The following TNRC6A variants were observed in gnomAD, a reference collection of about 807,000 sequenced individuals.
TNRC6A encodes trinucleotide repeat-containing gene 6A protein.
A neutral mutation model predicts 221.2 loss-of-function variants in TNRC6A; 44 were observed. That is an observed-to-expected ratio of 0.20 (90% confidence interval 0.16 to 0.26). The LOEUF (loss-of-function observed/expected upper bound fraction) is 0.26. Ranked by LOEUF, TNRC6A falls within the 10% of genes least tolerant of loss-of-function variation. TNRC6A has a pLI of 1.00. For missense variants in TNRC6A, 2,199 were observed against 2,404.4 expected, an observed-to-expected ratio of 0.91 and a Z score of 1.79; for synonymous variants, 847 against 838.5, an observed-to-expected ratio of 1.01 and a Z score of -0.18.
rs1216363642 is a variant in TNRC6A, at chr16:24,794,034, A to G, written c.3352+385A>G. 6.6e-5 allele frequency among the ~76,000 whole-genome samples: 10 copies of G among 152,208 alleles called. No homozygotes were observed. The East Asian group carries it at 7.7e-4, about 12-fold the overall frequency. On this transcript the variant is annotated intron_variant, in intron 7 of 24. Transcript: ENST00000395799. The stretch of plus-strand genomic sequence containing the variant: ...TGATTCCCTGAAAGTTACAATTAGC[A>G]TAGTTCAGAAAAGACCCAAGATTGA...
At chr16:24,798,062 G>A in intron 11 of TNRC6A, 96 bp downstream of exon 11, 3 of 1,080,930 alleles carry the variant, frequency 2.8e-6, no homozygotes, top group Non-Finnish European at 2.7e-6. Context: ...GATCAGGACA[G>A]GGGAGGCTGT....
At chr16:24,753,418 A>G (rs1211879802) in intron 3 of TNRC6A, among the ~76,000 whole-genome samples, 1 of 152,236 alleles carries the variant, frequency 6.6e-6, no homozygotes, top group East Asian at 1.9e-4. Flanking sequence ...TAATACCTCT[A>G]ATAAATGTTA....
At chr16:24,630,743 G>A (rs1203352896) in intron 1 of TNRC6A, among the ~76,000 whole-genome samples, 1 of 152,130 alleles carries the variant, frequency 6.6e-6, no homozygotes, top group African/African-American at 2.4e-5. Context: ...TTTAGGCAAG[G>A]GATTCACAGG....
rs144105836 is a variant in TNRC6A, at chr16:24,699,002, C to T, written n.403-51724C>T. Among the ~76,000 whole-genome samples, 10 of 152,302 alleles carry T rather than the reference C, an allele frequency of 6.6e-5. No homozygotes were observed. The East Asian group carries it at 1.9e-3, about 29-fold the overall frequency. ...GGGATTACAGGGGTGTGCCAACACT[C>T]CTGGCCCTTTGGGGAGAATTTTAAG... On this transcript the variant is annotated intron_variant and non_coding_transcript_variant, in intron 2 of 2. Coordinates refer to the TNRC6A transcript ENST00000566108.
intron 2 of TNRC6A, among the ~76,000 whole-genome samples, chr16:24,702,441 G>A (rs1260022545): frequency 6.6e-6 from 1 of 151,982 alleles, no homozygotes; most frequent in Non-Finnish European, 1.5e-5. Flanking sequence ...GCCTCCCAAA[G>A]TGCTAGGATT....
chr16:24,785,217 CTCT>C (rs930008986), intron 5 of TNRC6A, among the ~76,000 whole-genome samples: 4 of 152,178 alleles, frequency 2.6e-5, no homozygotes, highest in South Asian at 2.1e-4. Context: ...TCTTCACAAC[CTCT>C]TCTTTTTGAA....
intron 3 of TNRC6A, among the ~76,000 whole-genome samples, chr16:24,756,007 T>G (rs1463709080): frequency 6.6e-6 from 1 of 152,122 alleles, no homozygotes; most frequent in African/African-American, 2.4e-5. Context: ...ATTTTGTCCA[T>G]TTGAGAGATT....
At chr16:24,711,384 T>G (rs947518601) in intron 2 of TNRC6A, among the ~76,000 whole-genome samples, 3 of 152,258 alleles carry the variant, frequency 2.0e-5, no homozygotes, top group Middle Eastern at 3.4e-3. Context: ...TTGACATATA[T>G]AGAGAGAGCT....
chr16:24,789,643 A>G lies in TNRC6A; in HGVS notation c.1001A>G (p.Lys334Arg), dbSNP rs912981372. ...GTCTCTGTGGATGCTCCTGAAAGCAAATCTGAAAGTAGCAACAATAGAATG... is the reference window on the plus strand; with the variant it reads ...GTCTCTGTGGATGCTCCTGAAAGCAGATCTGAAAGTAGCAACAATAGAATG... ...CQVSVDAPES[K>R]SESSNNRMNA... The change falls in exon 6 of 25, where the codon AAA becomes AGA. Residue 334 changes from lysine (K) to arginine (R), a missense_variant. Physicochemically the swap from Lys to Arg is conservative, Grantham distance 26. Coordinates refer to ENST00000395799, the MANE Select transcript of TNRC6A (RefSeq NM_014494.4). The G allele has an allele frequency of 1.2e-6, 2 of 1,614,178 alleles. No homozygotes were observed. Among genetic ancestry groups the G allele is most frequent in the Admixed American group, 3.3e-5 (2 of 60,026 alleles).
intron 2 of TNRC6A, among the ~76,000 whole-genome samples, chr16:24,699,041 C>T (rs945450961): frequency 6.6e-6 from 1 of 152,078 alleles, no homozygotes; most frequent in Non-Finnish European, 1.5e-5. Flanking sequence ...GCTGAAGAAC[C>T]TACAGAGCGG....
chr16:24,767,783 G>T (rs2057504743), intron 4 of TNRC6A, among the ~76,000 whole-genome samples: 1 of 152,122 alleles, frequency 6.6e-6, no homozygotes, highest in Non-Finnish European at 1.5e-5. Context: ...TTTAATGACA[G>T]TTTCTTTATT....
At chr16:24,794,759 C>A in intron 8 of TNRC6A, 40 bp downstream of exon 8, 1 of 1,566,624 alleles carries the variant, frequency 6.4e-7, no homozygotes, top group South Asian at 1.2e-5. Context: ...ACTTTAAATT[C>A]CAAAGGTAGT....
intron 21 of TNRC6A, 140 bp from the exon 22 acceptor site, chr16:24,819,999 G>T: frequency 1.3e-6 from 1 of 743,986 alleles, no homozygotes; most frequent in Non-Finnish European, 2.2e-6. Flanking sequence ...TTCTTTTTTG[G>T]CAGTTTAGTT....
intron 2 of TNRC6A, among the ~76,000 whole-genome samples, chr16:24,674,679 AC>A (rs111739793): frequency 7.0e-5 from 10 of 142,188 alleles, no homozygotes; most frequent in African/African-American, 2.5e-4. Context: ...TTATTCTCTT[AC>A]AACACTGCCC....
chr16:24,776,022 G>A (rs1014259836), intron 4 of TNRC6A, among the ~76,000 whole-genome samples: 3 of 152,140 alleles, frequency 2.0e-5, no homozygotes, highest in Non-Finnish European at 4.4e-5. Context: ...GCAAGGTGTA[G>A]GTACTATCTC....
rs2058852542 is a variant in TNRC6A, at chr16:24,825,992, A to G, written c.*2185A>G. 2 of 152,614 alleles carry G rather than the reference A, an allele frequency of 1.3e-5. No homozygotes were observed. Among genetic ancestry groups the G allele is most frequent in the Admixed American group, 6.5e-5 (1 of 15,274 alleles). The allele number at this position is 152,614 out of a possible 1,614,324, so 9.5% of individuals were successfully genotyped here. A position where few individuals can be genotyped will look rare whatever the true frequency, so the allele number is the denominator to read the frequency against. ...TTGTCGGACACCTTACTATAAGCAA[A>G]TGTTATTCAGTGCGTTCAATGTATA... On this transcript the variant is annotated 3_prime_UTR_variant, in exon 25 of 25. Transcript: ENST00000395799.
chr16:24,709,604 G>A (rs1210707548), intron 2 of TNRC6A, among the ~76,000 whole-genome samples: 2 of 151,696 alleles, frequency 1.3e-5, no homozygotes, highest in East Asian at 1.9e-4. Context: ...TAGGTGGATC[G>A]CTTAGAGGCC....
At chr16:24,820,088 CCTTT>C (rs779622280) in intron 21 of TNRC6A, 47 bp from the exon 22 acceptor site, 1 of 1,514,302 alleles carries the variant, frequency 6.6e-7, no homozygotes, top group South Asian at 1.1e-5. Context: ...TAAATTTCCT[CCTTT>C]CTTAAACATT....
At chr16:24,776,507 C>T in intron 4 of TNRC6A, 1 of 985,440 alleles carries the variant, frequency 1.0e-6, no homozygotes, top group African/African-American at 1.7e-5. Context: ...AGAGACCAAA[C>T]ACATTAACAA....
Sources: allele counts gnomAD v4.1 joint callset (sites outside exome capture counted in the v4.1 genomes callset), GRCh38; gene constraint gnomAD v4.1.1; transcripts MANE v1.5; gene names NCBI Gene and HGNC (gene_info 2026-07-23, HGNC 2026-07-21).